The following GLRA3 variants were observed in gnomAD, a reference collection of about 807,000 sequenced individuals.
GLRA3 encodes the protein glycine receptor subunit alpha-3.
A neutral mutation model predicts 60.4 loss-of-function variants in GLRA3; 44 were observed. The observed-to-expected ratio is 0.73, with a 90% confidence interval of 0.57 to 0.94. GLRA3 has a LOEUF of 0.94. GLRA3 is among the 40% of genes least tolerant of loss of function. The pLI is 0.00. For missense variants in GLRA3, 508 were observed against 564.6 expected, an observed-to-expected ratio of 0.90 and a Z score of 1.02; for synonymous variants, 223 against 192.9, an observed-to-expected ratio of 1.16 and a Z score of -1.29.
At position 174,642,087 on chromosome 4, in the gene GLRA3, GT is replaced by G. The variant is rs1732638277; in HGVS notation, c.*1698del. On this transcript the variant is annotated 3_prime_UTR_variant, in exon 10 of 10. Transcript: ENST00000274093. ...CATGATATTATTTCCTTATAGTGTTGTTTTAAGTTACTTATAAAGGAGGGGA... is the reference window on the plus strand; with the variant it reads ...CATGATATTATTTCCTTATAGTGTTGTTTAAGTTACTTATAAAGGAGGGGA... 6.9e-6 allele frequency: 6 copies of G among 874,526 alleles called. No homozygotes were observed. The highest frequency in any genetic ancestry group is 1.1e-4 in the South Asian group (2 of 18,964). The allele number at this position is 874,526 out of a possible 1,614,324, so 54.2% of individuals were successfully genotyped here.
intron 1 of GLRA3, among the ~76,000 whole-genome samples, chr4:174,826,986 C>T (rs1391821451): frequency 6.6e-6 from 1 of 150,878 alleles, no homozygotes; most frequent in African/African-American, 2.4e-5. Context: ...AACCTACTCT[C>T]ATCTAAGACT....
At chr4:174,767,072 T>C (rs370949514) in intron 2 of GLRA3, 42 bp from the exon 3 acceptor site, 5 of 1,018,970 alleles carry the variant, frequency 4.9e-6, no homozygotes, top group African/African-American at 1.6e-5. Flanking sequence ...TAGAGACTTA[T>C]CTAAAACATT....
chr4:174,734,486 GAA>G (rs1736692290), intron 3 of GLRA3, among the ~76,000 whole-genome samples: 1 of 152,174 alleles, frequency 6.6e-6, no homozygotes, highest in Non-Finnish European at 1.5e-5. Context: ...CAACAGGGAA[GAA>G]AGTCATTTTA....
In GLRA3 at chr4:174,715,555, A is replaced by G; in HGVS notation, c.507T>C (p.Leu169=). Residue 169 remains leucine, a synonymous_variant, in exon 5 of 10, where the codon CTT becomes CTC. Transcript: ENST00000274093. The part of the protein sequence containing the change: ...VLYSIRLTLT[L]SCPMDLKNFP... ...AATTCTTGAGATCCATTGGACAGGA[A>G]AGTGTTAATGTTAATCTGAAAGTCA... The G allele has an allele frequency of 2.0e-6, 3 of 1,500,676 alleles. No individual in the cohort carries two copies. The highest frequency in any genetic ancestry group is 2.8e-6 in the Non-Finnish European group (3 of 1,081,448). 93.0% of individuals were successfully genotyped at this position (1,500,676 alleles called of 1,614,324 possible).
intron 9 of GLRA3, among the ~76,000 whole-genome samples, chr4:174,654,160 G>C (rs1178451825): frequency 6.6e-6 from 1 of 152,148 alleles, no homozygotes; most frequent in East Asian, 1.9e-4. Context: ...AAAGATTATT[G>C]AATAATTAGT....
intron 2 of GLRA3, among the ~76,000 whole-genome samples, chr4:174,776,445 T>C (rs1246567117): frequency 6.6e-6 from 1 of 151,674 alleles, no homozygotes; most frequent in Non-Finnish European, 1.5e-5. Context: ...ACAATATAAA[T>C]AAACATAATT....
At chr4:174,814,676 A>C (rs1454881803) in intron 1 of GLRA3, among the ~76,000 whole-genome samples, 1 of 152,186 alleles carries the variant, frequency 6.6e-6, no homozygotes, top group African/African-American at 2.4e-5. Flanking sequence ...AAAGAGAGAG[A>C]GCTTGTGCAG....
intron 1 of GLRA3, among the ~76,000 whole-genome samples, chr4:174,822,523 A>C (rs1363262994): frequency 1.3e-5 from 2 of 152,210 alleles, no homozygotes; most frequent in Admixed American, 1.3e-4. Flanking sequence ...TGAGTAAACA[A>C]GTCCTTATCA....
chr4:174,724,904 C>A (rs560923562), intron 4 of GLRA3, among the ~76,000 whole-genome samples: 9 of 152,266 alleles, frequency 5.9e-5, no homozygotes, highest in Non-Finnish European at 1.3e-4. Flanking sequence ...GTTTTTCCTG[C>A]ATAAGATATC....
intron 5 of GLRA3, among the ~76,000 whole-genome samples, chr4:174,712,184 T>C (rs934344982): frequency 2.0e-5 from 3 of 152,158 alleles, no homozygotes; most frequent in African/African-American, 7.2e-5. Flanking sequence ...TTTGAGGGCA[T>C]AGGATCATTG....
Position 174,816,014 on chromosome 4 carries a change from C to G in GLRA3, c.71+12727G>C, listed in dbSNP as rs186822335. Among the ~76,000 whole-genome samples, 635 of 152,180 alleles carry G rather than the reference C, an allele frequency of 4.2e-3. 3 individuals carry two copies. Among genetic ancestry groups the G allele is most frequent in the Non-Finnish European group, 6.5e-3 (444 of 67,986 alleles). On this transcript the variant is annotated intron_variant, in intron 1 of 9. Transcript: ENST00000274093. The stretch of plus-strand genomic sequence containing the variant: ...TGTCTCCCTTTTAAAAATGAGTGCA[C>G]GTGGGAATTCAAGATGAGATTTGGG...
chr4:174,795,337 AT>A (rs983148837), intron 1 of GLRA3, among the ~76,000 whole-genome samples: 1 of 151,984 alleles, frequency 6.6e-6, no homozygotes, highest in Non-Finnish European at 1.5e-5. Context: ...ATGTCCCATT[AT>A]TTTTTTCTAT....
intron 1 of GLRA3, among the ~76,000 whole-genome samples, chr4:174,808,947 G>C (rs898024964): frequency 6.6e-6 from 1 of 152,052 alleles, no homozygotes; most frequent in African/African-American, 2.4e-5. Context: ...AAGAGTTACC[G>C]TAAGAAAGAA....
intron 1 of GLRA3, among the ~76,000 whole-genome samples, chr4:174,817,678 G>T (rs1424671012): frequency 6.6e-6 from 1 of 152,058 alleles, no homozygotes; most frequent in Non-Finnish European, 1.5e-5. Flanking sequence ...CACTATCTCG[G>T]CTCACTGCAA....
At chr4:174,748,085 G>A (rs1737321634) in intron 3 of GLRA3, among the ~76,000 whole-genome samples, 1 of 152,190 alleles carries the variant, frequency 6.6e-6, no homozygotes, top group Admixed American at 6.6e-5. Flanking sequence ...CAGAGCATAT[G>A]TGTAGCAAAG....
chr4:174,820,766 A>G (rs930486846), intron 1 of GLRA3, among the ~76,000 whole-genome samples: 1 of 152,154 alleles, frequency 6.6e-6, no homozygotes, highest in African/African-American at 2.4e-5. Flanking sequence ...CCAATCCGAC[A>G]CACTCCCTCC....
At chr4:174,705,900 A>G (rs975885958) in intron 5 of GLRA3, among the ~76,000 whole-genome samples, 7 of 152,162 alleles carry the variant, frequency 4.6e-5, no homozygotes, top group Admixed American at 4.6e-4. Context: ...TCAGATGGTG[A>G]TATGTATTTT....
intron 4 of GLRA3, among the ~76,000 whole-genome samples, chr4:174,725,463 C>T (rs80269039): frequency 0.19 from 28,916 of 152,110 alleles, 3,236 homozygotes; most frequent in East Asian, 0.47. Context: ...ACTTTAAAGT[C>T]TTTGCCAGAT....
chr4:174,651,993 A>G (rs1208177383), intron 9 of GLRA3, among the ~76,000 whole-genome samples: 1 of 152,010 alleles, frequency 6.6e-6, no homozygotes, highest in Non-Finnish European at 1.5e-5. Context: ...AGAGACCATG[A>G]GCCCCTGGAC....
Sources: allele counts gnomAD v4.1 joint callset (sites outside exome capture counted in the v4.1 genomes callset), GRCh38; gene constraint gnomAD v4.1.1; transcripts MANE v1.5; gene names NCBI Gene and HGNC (gene_info 2026-07-23, HGNC 2026-07-21).